Variants in TASP1 observed in about 807,000 individuals in gnomAD.
TASP1 encodes taspase 1, also known as threonine aspartase 1.
A neutral mutation model predicts 56.6 loss-of-function variants in TASP1; 16 were observed. That is an observed-to-expected ratio of 0.28 (90% CI 0.19 to 0.43). The LOEUF (loss-of-function observed/expected upper bound fraction) is 0.43. Among genes scored for constraint, TASP1 ranks in the 20% least tolerant of loss-of-function variants. The probability of loss-of-function intolerance (pLI) is 1.00; values close to 1 mark genes in which losing one functional copy is unlikely to be tolerated. For missense variants in TASP1, 393 were observed against 511.6 expected, an observed-to-expected ratio of 0.77 and a Z score of 2.24; for synonymous variants, 179 against 184.2, an observed-to-expected ratio of 0.97 and a Z score of 0.23.
the TASP1 span, among the ~76,000 whole-genome samples, chr20:13,272,480 G>A: frequency 1.3e-5 from 2 of 152,214 alleles, no homozygotes; most frequent in East Asian, 3.8e-4. Context: ...GTGCTGGAGG[G>A]ATCATGAAGA....
chr20:13,529,109 A>G (rs982894975), intron 9 of TASP1, among the ~76,000 whole-genome samples: 4 of 152,150 alleles, frequency 2.6e-5, no homozygotes, highest in Non-Finnish European at 5.9e-5. Context: ...CAAAGGGCCC[A>G]ATATATGCTC....
At chr20:13,430,730 A>G (rs888735027) in intron 12 of TASP1, among the ~76,000 whole-genome samples, 1 of 152,232 alleles carries the variant, frequency 6.6e-6, no homozygotes, top group African/African-American at 2.4e-5. Flanking sequence ...AGGGAGGAGC[A>G]TTCAACAAAC....
chr20:13,402,138 C>T (rs1420081958), intron 13 of TASP1, among the ~76,000 whole-genome samples: 4 of 152,274 alleles, frequency 2.6e-5, no homozygotes, highest in African/African-American at 9.6e-5. Context: ...ACATATTATT[C>T]GCACCTCTGG....
At chr20:13,554,743 TA>T (rs34573832) in intron 8 of TASP1, among the ~76,000 whole-genome samples, 29 of 152,060 alleles carry the variant, frequency 1.9e-4, no homozygotes, top group African/African-American at 7.0e-4. Context: ...GCATTATGTT[TA>T]AAAAAATATG....
chr20:13,157,287 A>AG, the TASP1 span, among the ~76,000 whole-genome samples: 1 of 151,086 alleles, frequency 6.6e-6, no homozygotes, highest in Admixed American at 6.6e-5. Context: ...AAAAAAAAAA[A>AG]TTAGCTGGGC....
At chr20:13,511,954 T>C (rs545070659) in intron 10 of TASP1, among the ~76,000 whole-genome samples, 15 of 152,198 alleles carry the variant, frequency 9.9e-5, no homozygotes, top group African/African-American at 3.4e-4. Context: ...TTTATGGCTG[T>C]ATACTATTCC....
chr20:13,360,586 A>G, the TASP1 span, among the ~76,000 whole-genome samples: 3 of 152,046 alleles, frequency 2.0e-5, no homozygotes, highest in Admixed American at 2.0e-4. Context: ...CCTAGCCCTC[A>G]TGTCTGCGTG....
chr20:13,531,557 T>C (rs1287515822), intron 9 of TASP1, among the ~76,000 whole-genome samples: 1 of 151,428 alleles, frequency 6.6e-6, no homozygotes, highest in Non-Finnish European at 1.5e-5. Flanking sequence ...CAGTGGCATG[T>C]TTGGCTCACT....
At chr20:13,180,826 C>T in the TASP1 span, among the ~76,000 whole-genome samples, 2 of 152,204 alleles carry the variant, frequency 1.3e-5, no homozygotes, top group African/African-American at 4.8e-5. Context: ...CCACTTCTGT[C>T]CCTACCTGTG....
chr20:13,437,135 C>A (rs1210087266), intron 11 of TASP1, among the ~76,000 whole-genome samples: 1 of 152,100 alleles, frequency 6.6e-6, no homozygotes, highest in Non-Finnish European at 1.5e-5. Flanking sequence ...CCGAATCCAG[C>A]AGCACATCAA....
chr20:13,358,244 C>T, the TASP1 span, among the ~76,000 whole-genome samples: 8 of 152,192 alleles, frequency 5.3e-5, no homozygotes, highest in Middle Eastern at 3.2e-3. Context: ...TCTTTTCGGA[C>T]TCAGCCCGCC....
chr20:13,494,140 CTCTTGTCAA>C (rs1235275979), intron 10 of TASP1, among the ~76,000 whole-genome samples: 1 of 152,182 alleles, frequency 6.6e-6, no homozygotes, highest in East Asian at 1.9e-4. Context: ...TCAGTTGATG[CTCTTGTCAA>C]TCTTCTATCT....
chr20:13,560,908 C>A (rs1163910365), intron 7 of TASP1, among the ~76,000 whole-genome samples: 1 of 152,136 alleles, frequency 6.6e-6, no homozygotes, highest in Non-Finnish European at 1.5e-5. Flanking sequence ...GAGATCCATA[C>A]CAAGGCACAT....
intron 8 of TASP1, 151 bp from the exon 9 acceptor site, chr20:13,534,292 A>T: frequency 1.0e-6 from 1 of 964,388 alleles, no homozygotes; most frequent in Non-Finnish European, 1.4e-6. Context: ...ATTATCTATT[A>T]TCAAGTTGCC....
At chr20:13,439,739 A>G (rs1382175943) in intron 11 of TASP1, among the ~76,000 whole-genome samples, 1 of 152,154 alleles carries the variant, frequency 6.6e-6, no homozygotes. Flanking sequence ...AAACAAAACA[A>G]GAACAAAAAA....
chr20:13,495,443 C>T (rs6033735), intron 10 of TASP1, among the ~76,000 whole-genome samples: 33,629 of 152,000 alleles, frequency 0.22, 3,831 homozygotes, highest in Middle Eastern at 0.29. Flanking sequence ...GTTTTGAGGG[C>T]AGGGAAAGAC....
the TASP1 span, among the ~76,000 whole-genome samples, chr20:13,294,510 C>T: frequency 6.6e-6 from 1 of 152,202 alleles, no homozygotes; most frequent in Non-Finnish European, 1.5e-5. Context: ...AGCTGCTTTG[C>T]AGAACACAGC....
At chr20:13,389,293 G>A (rs902193879), downstream of TASP1, 3 of 152,088 alleles carry the variant, frequency 2.0e-5, no homozygotes, top group Non-Finnish European at 4.4e-5. Context: ...CTTTAACTGC[G>A]TAACACTGGC....
chr20:13,152,141 A>G, the TASP1 span, among the ~76,000 whole-genome samples: 2 of 152,206 alleles, frequency 1.3e-5, no homozygotes, highest in Non-Finnish European at 2.9e-5. Context: ...TCTAGAATCC[A>G]ATTCTGGCTT....
Sources: gnomAD v4.1 joint callset for allele counts (sites outside exome capture counted in the v4.1 genomes callset) on GRCh38, gnomAD v4.1.1 for gene constraint, MANE v1.5 for transcripts, NCBI Gene and HGNC (gene_info 2026-07-23, HGNC 2026-07-21) for gene names.